DISP1: variants seen among roughly 807,000 people sequenced by gnomAD.
DISP1 encodes the protein protein dispatched homolog 1.
Under a neutral mutation model 37.3 loss-of-function variants are expected in DISP1, and 30 were observed. The observed-to-expected ratio is 0.80, with a 90% CI of 0.60 to 1.09. DISP1 has a LOEUF of 1.09. DISP1 is among the 50% of genes least tolerant of loss of function. The pLI is 0.00. For synonymous variants in DISP1, 634 were observed against 690.2 expected (o/e 0.92, Z 1.28); for missense variants, 1,598 against 1,879.5 (o/e 0.85, Z 2.77).
chr1:222,916,728 T>C (rs1328266642), intron 1 of DISP1, among the ~76,000 whole-genome samples: 1 of 152,206 alleles, frequency 6.6e-6, no homozygotes, highest in Non-Finnish European at 1.5e-5. Context: ...AAGTAAAATA[T>C]TCTAGCATAT....
intron 1 of DISP1, among the ~76,000 whole-genome samples, chr1:222,886,036 T>C (rs1226926842): frequency 6.6e-6 from 1 of 151,918 alleles, no homozygotes; most frequent in Non-Finnish European, 1.5e-5. Flanking sequence ...TGGAAGGAGA[T>C]GTATAGGCTT....
intron 1 of DISP1, among the ~76,000 whole-genome samples, chr1:222,879,958 A>G (rs1047892642): frequency 2.6e-5 from 4 of 151,862 alleles, no homozygotes; most frequent in Non-Finnish European, 5.9e-5. Context: ...ATGTTTGAAA[A>G]CTCCACTTTG....
chr1:222,905,096 A>G (rs1477145054), intron 1 of DISP1, among the ~76,000 whole-genome samples: 1 of 152,174 alleles, frequency 6.6e-6, no homozygotes, highest in African/African-American at 2.4e-5. Flanking sequence ...TTATAAACTG[A>G]TTTAAGAACA....
At chr1:222,860,625 G>T (rs138885944) in intron 1 of DISP1, among the ~76,000 whole-genome samples, 21 of 152,066 alleles carry the variant, frequency 1.4e-4, no homozygotes, top group African/African-American at 4.6e-4. Flanking sequence ...GGTCGCTCAC[G>T]CCTGTAATCC....
At chr1:222,860,495 A>T (rs61840266) in intron 1 of DISP1, among the ~76,000 whole-genome samples, 30,018 of 152,212 alleles carry the variant, frequency 0.2, 3,564 homozygotes, top group Non-Finnish European at 0.26. Context: ...AAGAATGAAA[A>T]CCACATCATC....
intron 1 of DISP1, among the ~76,000 whole-genome samples, chr1:222,826,148 C>T (rs1664328947): frequency 6.6e-6 from 1 of 151,956 alleles, no homozygotes; most frequent in South Asian, 2.1e-4. Flanking sequence ...AAGCTGTCCT[C>T]CCGTCTTGGC....
intron 4 of DISP1, among the ~76,000 whole-genome samples, chr1:222,984,415 A>ATATAT (rs1225969320): frequency 3.9e-4 from 23 of 58,316 alleles, no homozygotes; most frequent in East Asian, 1.8e-3. Flanking sequence ...AAAAAAAAAA[A>ATATAT]AAAAAAATAT....
At chr1:222,933,780 A>C (rs1673544121) in intron 2 of DISP1, among the ~76,000 whole-genome samples, 1 of 151,948 alleles carries the variant, frequency 6.6e-6, no homozygotes, top group Non-Finnish European at 1.5e-5. Context: ...AAAATAAGAA[A>C]ATGTAATTTG....
intron 7 of DISP1, among the ~76,000 whole-genome samples, chr1:222,992,990 G>T (rs1378296257): frequency 6.6e-6 from 1 of 150,938 alleles, no homozygotes; most frequent in Non-Finnish European, 1.5e-5. Flanking sequence ...GCCTTCCCGA[G>T]TAGCTGGGAT....
chr1:222,840,261 A>G (rs1558286540), intron 1 of DISP1, among the ~76,000 whole-genome samples: 1 of 152,038 alleles, frequency 6.6e-6, no homozygotes, highest in Non-Finnish European at 1.5e-5. Flanking sequence ...TTTGTTTTTT[A>G]GACCGAGTCT....
At chr1:222,964,654 G>A (rs1436061186) in intron 3 of DISP1, among the ~76,000 whole-genome samples, 1 of 152,190 alleles carries the variant, frequency 6.6e-6, no homozygotes, top group African/African-American at 2.4e-5. Context: ...CATATTCACA[G>A]TGCTACCTTG....
At chr1:222,849,033 T>A (rs1668079865) in intron 1 of DISP1, among the ~76,000 whole-genome samples, 1 of 152,202 alleles carries the variant, frequency 6.6e-6, no homozygotes, top group African/African-American at 2.4e-5. Flanking sequence ...GCTTTTAATA[T>A]GTATTCCATG....
chr1:222,829,113 C>T (rs1307267835), intron 1 of DISP1, among the ~76,000 whole-genome samples: 1 of 152,052 alleles, frequency 6.6e-6, no homozygotes, highest in African/African-American at 2.4e-5. Flanking sequence ...TGAAAACTCC[C>T]CTTACTGAAG....
chr1:222,843,269 GA>G (rs1667711899), intron 1 of DISP1, among the ~76,000 whole-genome samples: 1 of 151,916 alleles, frequency 6.6e-6, no homozygotes, highest in Non-Finnish European at 1.5e-5. Flanking sequence ...ATTCTGGGTG[GA>G]AATCCTTTAA....
At chr1:222,843,568 G>GC (rs1667729336) in intron 1 of DISP1, among the ~76,000 whole-genome samples, 1 of 151,306 alleles carries the variant, frequency 6.6e-6, no homozygotes, top group South Asian at 2.1e-4. Context: ...AAGGATGGGG[G>GC]GGGGAAATTT....
At chr1:222,982,979 A>G (rs1572692243) in intron 3 of DISP1, 101 bp from the exon 4 acceptor site, 2 of 873,530 alleles carry the variant, frequency 2.3e-6, no homozygotes, top group Non-Finnish European at 1.8e-6. Flanking sequence ...GTAAGAGATA[A>G]CAAGTAAAAT....
At chr1:222,904,020 G>C (rs575147083) in intron 1 of DISP1, among the ~76,000 whole-genome samples, 3 of 152,156 alleles carry the variant, frequency 2.0e-5, no homozygotes, top group African/African-American at 7.2e-5. Context: ...CCTAGCATAT[G>C]GGTTGTGTAC....
chr1:222,901,702 A>G (rs1391468884), intron 1 of DISP1, among the ~76,000 whole-genome samples: 2 of 151,820 alleles, frequency 1.3e-5, no homozygotes, highest in Middle Eastern at 3.2e-3. Context: ...TAATTTTTGT[A>G]TTTTCAGTAG....
intron 3 of DISP1, among the ~76,000 whole-genome samples, chr1:222,966,286 C>A (rs561303175): frequency 6.6e-6 from 1 of 152,032 alleles, no homozygotes; most frequent in South Asian, 2.1e-4. Flanking sequence ...AAATAATAAC[C>A]TAGGAAAAAT....
Sources: gnomAD v4.1 joint callset for allele counts (sites outside exome capture counted in the v4.1 genomes callset) on GRCh38, gnomAD v4.1.1 for gene constraint, MANE v1.5 for transcripts, NCBI Gene and HGNC (gene_info 2026-07-23, HGNC 2026-07-21) for gene names.